Variants in SLC14A2 observed in about 807,000 individuals in gnomAD.
The protein encoded by SLC14A2 is solute carrier family 14 member 2.
Under a neutral mutation model 104.6 loss-of-function variants are expected in SLC14A2, and 91 were observed. The ratio of observed to expected loss-of-function variants is 0.87; its 90% CI spans 0.73 to 1.04. SLC14A2 has a LOEUF of 1.04. Among genes scored for constraint, SLC14A2 ranks in the 50% least tolerant of loss-of-function variants. The pLI is 0.00. For missense variants in SLC14A2, 1,189 were observed against 1,156.0 expected (o/e 1.03, Z -0.41); for synonymous variants, 476 against 466.4 (o/e 1.02, Z -0.27).
chr18:45,642,092 C>G (rs1208827069), intron 8 of SLC14A2, among the ~76,000 whole-genome samples: 1 of 152,202 alleles, frequency 6.6e-6, no homozygotes, highest in African/African-American at 2.4e-5. Flanking sequence ...AAGGGAGAGT[C>G]AATCCCAGCC....
chr18:45,388,882 G>A (rs1374612914), intron 1 of SLC14A2, among the ~76,000 whole-genome samples: 1 of 152,154 alleles, frequency 6.6e-6, no homozygotes, highest in Non-Finnish European at 1.5e-5. Flanking sequence ...ATGTGGATTG[G>A]CTTCTTCAAA....
At chr18:45,235,899 G>GTATGTATATATACATATATGTGTGTATA (rs1458461207) in intron 1 of SLC14A2, among the ~76,000 whole-genome samples, 9 of 62,912 alleles carry the variant, frequency 1.4e-4, no homozygotes, top group Non-Finnish European at 2.3e-4. Flanking sequence ...ATGTGTGTAT[G>GTATGTATATATACATATATGTGTGTATA]TATGTATATA....
At chr18:45,176,903 C>T in the SLC14A2 span, among the ~76,000 whole-genome samples, 1 of 152,190 alleles carries the variant, frequency 6.6e-6, no homozygotes, top group African/African-American at 2.4e-5. Flanking sequence ...TAAGCCCAAA[C>T]CTTTATTTTG....
chr18:45,262,264 C>T (rs1265047807), intron 1 of SLC14A2, among the ~76,000 whole-genome samples: 1 of 152,172 alleles, frequency 6.6e-6, no homozygotes, highest in Non-Finnish European at 1.5e-5. Flanking sequence ...CAATTCTACC[C>T]TCATTTTATA....
At chr18:45,638,774 A>T (rs1452114160) in intron 6 of SLC14A2, among the ~76,000 whole-genome samples, 2 of 152,210 alleles carry the variant, frequency 1.3e-5, no homozygotes, top group African/African-American at 4.8e-5. Context: ...AGAGTCTTAA[A>T]GCTGGAAGAT....
intron 19 of SLC14A2, among the ~76,000 whole-genome samples, chr18:45,681,967 C>T (rs1301256163): frequency 1.3e-5 from 2 of 152,168 alleles, no homozygotes; most frequent in Non-Finnish European, 2.9e-5. Context: ...TGGGAGAAGA[C>T]ACAGGATGAC....
chr18:45,504,432 G>A (rs1477815902), intron 2 of SLC14A2, among the ~76,000 whole-genome samples: 1 of 152,134 alleles, frequency 6.6e-6, no homozygotes, highest in Non-Finnish European at 1.5e-5. Flanking sequence ...ATATGGTAAG[G>A]GATGGGACCC....
chr18:45,587,217 C>T (rs1367482312), intron 2 of SLC14A2, among the ~76,000 whole-genome samples: 4 of 152,210 alleles, frequency 2.6e-5, no homozygotes, highest in African/African-American at 7.2e-5. Context: ...TCAAGTGATC[C>T]GCCTGCCTCG....
At chr18:45,600,931 T>C (rs1446519896) in intron 2 of SLC14A2, among the ~76,000 whole-genome samples, 1 of 152,164 alleles carries the variant, frequency 6.6e-6, no homozygotes, top group Non-Finnish European at 1.5e-5. Context: ...CAACCCTGAG[T>C]CAATTTTATG....
At chr18:45,538,108 C>T (rs2144849819) in intron 2 of SLC14A2, among the ~76,000 whole-genome samples, 1 of 152,282 alleles carries the variant, frequency 6.6e-6, no homozygotes, top group South Asian at 2.1e-4. Flanking sequence ...AAGCTCAGTG[C>T]CCTTCCATGC....
At chr18:45,201,483 G>T in the SLC14A2 span, among the ~76,000 whole-genome samples, 1 of 151,606 alleles carries the variant, frequency 6.6e-6, no homozygotes, top group Non-Finnish European at 1.5e-5. Flanking sequence ...TTTCAACTTT[G>T]GTCATTGGAA....
chr18:45,353,166 C>T (rs556621067), intron 1 of SLC14A2, among the ~76,000 whole-genome samples: 1 of 152,290 alleles, frequency 6.6e-6, no homozygotes, highest in African/African-American at 2.4e-5. Flanking sequence ...AGCTAGGTTA[C>T]CGTTCGTCCA....
At chr18:45,467,892 A>C (rs2087173016) in intron 1 of SLC14A2, among the ~76,000 whole-genome samples, 1 of 152,184 alleles carries the variant, frequency 6.6e-6, no homozygotes, top group African/African-American at 2.4e-5. Context: ...TTCTAAAGAC[A>C]GTGTGGGAGG....
intron 1 of SLC14A2, among the ~76,000 whole-genome samples, chr18:45,463,892 C>T (rs191095117): frequency 5.9e-5 from 9 of 152,270 alleles, no homozygotes; most frequent in Non-Finnish European, 5.9e-5. Context: ...AAGCAGTGTC[C>T]CTGCTCAGAG....
At chr18:45,415,030 A>G (rs1297894384) in intron 1 of SLC14A2, among the ~76,000 whole-genome samples, 2 of 151,904 alleles carry the variant, frequency 1.3e-5, no homozygotes, top group African/African-American at 4.8e-5. Flanking sequence ...TCTTAAACCA[A>G]AAAGGTTATT....
chr18:45,573,315 C>A lies in SLC14A2; in HGVS notation c.-34-51316C>A, dbSNP rs569025077. 1.2e-3 allele frequency among the ~76,000 whole-genome samples: 181 copies of A among 152,274 alleles called. 1 individual carries two copies. Among genetic ancestry groups the A allele is most frequent in the African/African-American group, 3.9e-3 (164 of 41,558 alleles). On this transcript the variant is annotated intron_variant, in intron 2 of 20. Coordinates refer to the SLC14A2 transcript ENST00000586448. ...AGAAATACTGCTTCAATATAAGCTT[C>A]TTTCTTGAAAGAAGAGAGATAGAAA...
upstream of SLC14A2, among the ~76,000 whole-genome samples, chr18:45,610,491 G>C (rs181847906): frequency 6.6e-6 from 1 of 152,294 alleles, no homozygotes; most frequent in East Asian, 1.9e-4. Flanking sequence ...AAAGATGACT[G>C]TGTGCTGTCA....
intron 1 of SLC14A2, among the ~76,000 whole-genome samples, chr18:45,316,261 C>T (rs1484354613): frequency 6.6e-6 from 1 of 152,124 alleles, no homozygotes; most frequent in East Asian, 1.9e-4. Context: ...CTGAGAAAGC[C>T]CTAGGAAGGA....
At chr18:45,174,382 T>G in the SLC14A2 span, among the ~76,000 whole-genome samples, 2 of 152,182 alleles carry the variant, frequency 1.3e-5, no homozygotes, top group East Asian at 3.9e-4. Flanking sequence ...TTCTATTCTT[T>G]GCTCCACCAT....
Sources: gnomAD v4.1 joint callset for allele counts (sites outside exome capture counted in the v4.1 genomes callset) on GRCh38, gnomAD v4.1.1 for gene constraint, MANE v1.5 for transcripts, NCBI Gene and HGNC (gene_info 2026-07-23, HGNC 2026-07-21) for gene names.